The following PEMT variants were observed in gnomAD, a reference collection of about 807,000 sequenced individuals.
PEMT encodes the protein phosphatidylethanolamine N-methyltransferase, also known as phospholipid methyltransferase.
Under a neutral mutation model 27.4 loss-of-function variants are expected in PEMT, and 23 were observed. That is an observed-to-expected ratio of 0.84 (90% CI 0.60 to 1.19). The LOEUF (loss-of-function observed/expected upper bound fraction) is 1.19. Among genes scored for constraint, PEMT ranks in the 50% most tolerant of loss-of-function variants. The probability of loss-of-function intolerance (pLI) is 0.00; values close to 1 mark genes in which losing one functional copy is unlikely to be tolerated. For missense variants in PEMT, 307 were observed against 310.1 expected, an observed-to-expected ratio of 0.99 and a Z score of 0.07; for synonymous variants, 137 against 139.1, an observed-to-expected ratio of 0.98 and a Z score of 0.11.
At chr17:17,581,795 G>C (rs2142755049) in intron 1 of PEMT, among the ~76,000 whole-genome samples, 1 of 152,260 alleles carries the variant, frequency 6.6e-6, no homozygotes, top group Non-Finnish European at 1.5e-5. Flanking sequence ...ACCTTGAGGA[G>C]GATTTATGTT....
At chr17:17,574,390 G>T (rs1028711913) in intron 2 of PEMT, among the ~76,000 whole-genome samples, 1 of 148,202 alleles carries the variant, frequency 6.7e-6, no homozygotes, top group African/African-American at 2.5e-5. Flanking sequence ...TGCCATCTCG[G>T]CTCACTGCAA....
intron 2 of PEMT, among the ~76,000 whole-genome samples, chr17:17,571,264 A>G (rs1449399300): frequency 6.6e-6 from 1 of 152,136 alleles, no homozygotes; most frequent in African/African-American, 2.4e-5. Flanking sequence ...TGGAGGAAGC[A>G]GAATTCACAA....
chr17:17,523,395 G>T lies in PEMT; in HGVS notation c.205-1000C>A, dbSNP rs532357183. 3.9e-5 allele frequency among the ~76,000 whole-genome samples: 6 copies of T among 152,336 alleles called. No individual in the cohort carries two copies. In the South Asian group the frequency reaches 1.2e-3, roughly 32 times the overall value. On this transcript the variant is annotated intron_variant, in intron 2 of 6. Coordinates refer to ENST00000255389, the MANE Select transcript of PEMT (RefSeq NM_148172.3). This position sits in a 1 kb window ranked among gnomAD's most constrained non-coding sequence, Gnocchi z 4.8. Reference sequence around the variant, plus strand: ...TTGCGGCAGGAGAGTGATTAGCGATGATTTCCTCAAGGCCACTGACTCCCA... The same window carrying T: ...TTGCGGCAGGAGAGTGATTAGCGATTATTTCCTCAAGGCCACTGACTCCCA...
At chr17:17,515,364 C>CAAG (rs1555537001) in intron 3 of PEMT, among the ~76,000 whole-genome samples, 1 of 152,202 alleles carries the variant, frequency 6.6e-6, no homozygotes, top group Non-Finnish European at 1.5e-5. Context: ...AGGGCAGATC[C>CAAG]GGGGCCAGGG....
chr17:17,583,597 G>C (rs1254181632), intron 1 of PEMT, among the ~76,000 whole-genome samples: 1 of 152,142 alleles, frequency 6.6e-6, no homozygotes, highest in African/African-American at 2.4e-5. Flanking sequence ...CTAAGCCCAG[G>C]TTTCCCTTGA....
At chr17:17,585,808 C>T (rs1056466918) in intron 1 of PEMT, among the ~76,000 whole-genome samples, 4 of 151,956 alleles carry the variant, frequency 2.6e-5, no homozygotes, top group African/African-American at 9.7e-5. Flanking sequence ...TCGGGCCGGG[C>T]GCGGTGAGTC....
intron 1 of PEMT, among the ~76,000 whole-genome samples, chr17:17,587,079 G>A (rs1337899494): frequency 1.3e-5 from 2 of 151,716 alleles, no homozygotes; most frequent in Admixed American, 6.6e-5. Context: ...TTAAAGATAA[G>A]CAAAAATCAA....
intron 1 of PEMT, among the ~76,000 whole-genome samples, chr17:17,591,007 CCCCACCACTCTCT>C (rs1221003143): frequency 2.0e-5 from 3 of 152,248 alleles, no homozygotes; most frequent in African/African-American, 7.2e-5. Context: ...CAGGCAGGGT[CCCCACCACTCTCT>C]TGCCTCTGGG....
chr17:17,542,665 GT>G (rs1908972111), intron 2 of PEMT, among the ~76,000 whole-genome samples: 1 of 152,248 alleles, frequency 6.6e-6, no homozygotes, highest in Non-Finnish European at 1.5e-5. Context: ...CAATCCTGGT[GT>G]TTCTAGAATC....
At chr17:17,590,910 C>G (rs1326392026) in intron 1 of PEMT, among the ~76,000 whole-genome samples, 1 of 152,188 alleles carries the variant, frequency 6.6e-6, no homozygotes, top group African/African-American at 2.4e-5. Flanking sequence ...GCAAGCCAGG[C>G]CCCCAGCTTC....
At chr17:17,524,807 A>G (rs956650182) in intron 2 of PEMT, among the ~76,000 whole-genome samples, 4 of 152,058 alleles carry the variant, frequency 2.6e-5, no homozygotes, top group Non-Finnish European at 5.9e-5. Context: ...CATTTCCCTA[A>G]TGATAAAGAA....
At chr17:17,539,419 CCCT>C (rs1258235946) in intron 2 of PEMT, among the ~76,000 whole-genome samples, 1 of 152,330 alleles carries the variant, frequency 6.6e-6, no homozygotes, top group Non-Finnish European at 1.5e-5. Context: ...CATCCCGTTT[CCCT>C]CCTCAAGTGT....
At chr17:17,580,471 C>T (rs1911907238) in intron 1 of PEMT, among the ~76,000 whole-genome samples, 1 of 151,618 alleles carries the variant, frequency 6.6e-6, no homozygotes, top group African/African-American at 2.4e-5. Flanking sequence ...AACGAGACTC[C>T]GTCTCAAAAA....
At chr17:17,534,994 T>G (rs1264867650) in intron 2 of PEMT, among the ~76,000 whole-genome samples, 1 of 151,968 alleles carries the variant, frequency 6.6e-6, no homozygotes, top group Non-Finnish European at 1.5e-5. Flanking sequence ...CACTACAACC[T>G]CTGCCTCCCG....
chr17:17,585,285 C>G (rs951939376), intron 1 of PEMT, among the ~76,000 whole-genome samples: 2 of 152,180 alleles, frequency 1.3e-5, no homozygotes, highest in African/African-American at 4.8e-5. Flanking sequence ...TTGCAGTGAG[C>G]TGAGGTCATG....
rs770776080 is a variant in PEMT at position 17,506,232 on chromosome 17, G to A, written c.648C>T (p.Tyr216=). 109 of 1,572,014 alleles carry A rather than the reference G, an allele frequency of 6.9e-5. 4 individuals carry two copies. The South Asian group carries it at 7.2e-4, about 10-fold the overall frequency. ...VALTYIVALL[Y]EEPFTAEIYR... ...CCGCCGCAGCCCCTACTCACTCTTCGTATAGGAGAGCCACTATGTAGGTGA... is the reference window on the plus strand; with the variant it reads ...CCGCCGCAGCCCCTACTCACTCTTCATATAGGAGAGCCACTATGTAGGTGA... The change falls in exon 6 of 7, where the codon TAC becomes TAT. Residue 216 remains tyrosine, a synonymous_variant. Coordinates refer to ENST00000255389, the MANE Select transcript of PEMT (RefSeq NM_148172.3).
Position 17,582,121 on chromosome 17 carries a change from G to T in PEMT, c.97-5094C>A. Reference sequence around the variant, plus strand: ...CCCTTCACACCTGTGACCAAAGGGCGGTCTCCCATCCACTCCCAGCCCCAA... The same window carrying T: ...CCCTTCACACCTGTGACCAAAGGGCTGTCTCCCATCCACTCCCAGCCCCAA... On this transcript the variant is annotated intron_variant, in intron 1 of 6. Transcript: ENST00000255389. The surrounding 1 kb of genome is among the most constrained non-coding windows in gnomAD (Gnocchi z 4.9). 3.8e-6 allele frequency: 1 copy of T among 261,020 alleles called. No homozygotes were observed. The highest frequency in any genetic ancestry group is 6.0e-6 in the Non-Finnish European group (1 of 167,712). 16.2% of individuals were successfully genotyped at this position (261,020 alleles called of 1,614,324 possible). A position where few individuals can be genotyped will look rare whatever the true frequency, so the allele number is the denominator to read the frequency against.
At chr17:17,536,289 C>T (rs1908467000) in intron 2 of PEMT, among the ~76,000 whole-genome samples, 1 of 152,234 alleles carries the variant, frequency 6.6e-6, no homozygotes. Flanking sequence ...GATTGTAACT[C>T]AGGTCTGGCT....
chr17:17,560,601 G>A lies in PEMT; in HGVS notation c.204+16319C>T, dbSNP rs1040329128. On this transcript the variant is annotated intron_variant, in intron 2 of 6. Transcript: ENST00000255389. ...GGGTTAGAGAACCGGGAATGGGGGC[G>A]CGGGCCCCTGGGGATGGTGGAATTT... Among the ~76,000 whole-genome samples, 20 of 152,302 alleles carry A rather than the reference G, an allele frequency of 1.3e-4. 1 individual carries two copies. The East Asian group carries it at 1.7e-3, about 13-fold the overall frequency.
Sources: allele counts gnomAD v4.1 joint callset (sites outside exome capture counted in the v4.1 genomes callset), GRCh38; gene constraint gnomAD v4.1.1; non-coding constraint Gnocchi (gnomAD v3.1); transcripts MANE v1.5; gene names NCBI Gene and HGNC (gene_info 2026-07-23, HGNC 2026-07-21).